FRMPD4: variants seen among roughly 807,000 people sequenced by gnomAD.
FRMPD4 encodes the protein FERM and PDZ domain-containing protein 4.
In FRMPD4, 22 loss-of-function variants were observed where a neutral mutation model predicts 94.1. The observed-to-expected ratio is 0.23, with a 90% CI of 0.17 to 0.33. FRMPD4 has a LOEUF of 0.33. FRMPD4 is among the 10% of genes least tolerant of loss of function. FRMPD4 has a pLI of 1.00. For missense variants in FRMPD4, 1,111 were observed against 1,339.9 expected, an observed-to-expected ratio of 0.83 and a Z score of 2.67; for synonymous variants, 631 against 548.6, an observed-to-expected ratio of 1.15 and a Z score of -2.10.
chrX:12,298,924 A>G (rs759217382), intron 1 of FRMPD4, among the ~76,000 whole-genome samples: 5 of 112,016 alleles, frequency 4.5e-5, no homozygotes, highest in African/African-American at 1.3e-4. Flanking sequence ...CTGAAAATCT[A>G]TCCATAGAGC....
chrX:12,551,849 A>G (rs994271453), intron 2 of FRMPD4, among the ~76,000 whole-genome samples: 1 of 111,564 alleles, frequency 9.0e-6, no homozygotes, highest in African/African-American at 3.3e-5. Flanking sequence ...GTGCTTAAAC[A>G]TTAAGTTACC....
intron 1 of FRMPD4, among the ~76,000 whole-genome samples, chrX:12,332,333 G>A (rs1293308485): frequency 1.9e-5 from 2 of 104,277 alleles, no homozygotes; most frequent in Non-Finnish European, 1.9e-5. Flanking sequence ...AAAAAACCTG[G>A]AATAGTTGAC....
At chrX:12,527,662 G>A (rs780010063) in intron 2 of FRMPD4, among the ~76,000 whole-genome samples, 1 of 110,515 alleles carries the variant, frequency 9.0e-6, no homozygotes, top group Admixed American at 9.6e-5. Flanking sequence ...GCAACCAGAT[G>A]TAGACAAAAG....
intron 3 of FRMPD4, among the ~76,000 whole-genome samples, chrX:12,042,967 T>C (rs1386212985): frequency 8.9e-6 from 1 of 112,106 alleles, no homozygotes; most frequent in Admixed American, 9.4e-5. Flanking sequence ...ACCCTTACAA[T>C]TACCATTCTC....
intron 4 of FRMPD4, among the ~76,000 whole-genome samples, chrX:12,670,892 G>GA (rs1242559359): frequency 9.0e-6 from 1 of 110,523 alleles, no homozygotes; most frequent in African/African-American, 3.3e-5. Context: ...AGATTTACAA[G>GA]AAAAAAACAA....
At chrX:12,477,264 G>A (rs1326317028) in intron 1 of FRMPD4, among the ~76,000 whole-genome samples, 1 of 110,815 alleles carries the variant, frequency 9.0e-6, no homozygotes, top group East Asian at 2.8e-4. Context: ...ATGAGAACAC[G>A]TGGACACAGG....
At chrX:12,202,608 A>G (rs770565878) in intron 1 of FRMPD4, among the ~76,000 whole-genome samples, 42 of 112,341 alleles carry the variant, frequency 3.7e-4, no homozygotes, top group Admixed American at 3.4e-3. Flanking sequence ...TTTGATGCCT[A>G]TACTAAATTA....
intron 1 of FRMPD4, among the ~76,000 whole-genome samples, chrX:12,233,956 C>T (rs2057041741): frequency 9.5e-6 from 1 of 105,723 alleles, no homozygotes; most frequent in African/African-American, 3.4e-5. Context: ...CCTTCTGCGT[C>T]ATCTGCCAGA....
intron 1 of FRMPD4, among the ~76,000 whole-genome samples, chrX:12,257,088 G>A (rs1037074733): frequency 5.4e-5 from 6 of 112,054 alleles, no homozygotes; most frequent in Non-Finnish European, 1.1e-4. Context: ...ACACTTCAGA[G>A]TTAATGTTTC....
intron 3 of FRMPD4, among the ~76,000 whole-genome samples, chrX:12,115,780 A>C (rs1349734343): frequency 9.3e-6 from 1 of 107,126 alleles, no homozygotes; most frequent in Non-Finnish European, 1.9e-5. Flanking sequence ...GGTTACTCTC[A>C]CTCCCTTTTT....
chrX:12,401,422 G>A (rs1330596696), intron 1 of FRMPD4, among the ~76,000 whole-genome samples: 2 of 110,570 alleles, frequency 1.8e-5, no homozygotes, highest in Non-Finnish European at 3.8e-5. Context: ...GGCAGCTCTT[G>A]GAAGGTTGAG....
chrX:12,238,374 C>T (rs2057094468), intron 1 of FRMPD4, among the ~76,000 whole-genome samples: 1 of 111,188 alleles, frequency 9.0e-6, no homozygotes, highest in Admixed American at 9.6e-5. Flanking sequence ...TCCACACCAC[C>T]CCTCTCCGCC....
chrX:12,603,066 T>C (rs1321055395), intron 2 of FRMPD4, among the ~76,000 whole-genome samples: 3 of 112,056 alleles, frequency 2.7e-5, no homozygotes, highest in Non-Finnish European at 5.6e-5. Flanking sequence ...AGAGCATATA[T>C]TGATGCTTGG....
chrX:12,102,796 A>T (rs1340654850), intron 3 of FRMPD4, among the ~76,000 whole-genome samples: 3 of 110,153 alleles, frequency 2.7e-5, no homozygotes, highest in Non-Finnish European at 5.7e-5. Flanking sequence ...TTTCCTGGCG[A>T]TACTAGATTT....
intron 4 of FRMPD4, among the ~76,000 whole-genome samples, chrX:12,666,551 G>A: frequency 8.9e-6 from 1 of 111,791 alleles, no homozygotes; most frequent in Non-Finnish European, 1.9e-5. Flanking sequence ...CTAAGCAAAT[G>A]AAAAGAACAG....
rs185769545 is a variant in FRMPD4 at position 12,575,283 on chromosome X, A to T, written c.159-34438A>T. ...CTGTTAAGTAGATCATAAAAAAAAT[A>T]AGTAGTAAATTCACATTTATAAGTA... On this transcript the variant is annotated intron_variant, in intron 2 of 16. Transcript: ENST00000675598. 4.0e-3 allele frequency among the ~76,000 whole-genome samples: 444 copies of T among 109,954 alleles called. 2 individuals are homozygous for T. Among genetic ancestry groups the T allele is most frequent in the African/African-American group, 0.014 (431 of 30,225 alleles).
chrX:12,473,778 A>C (rs1176978354), intron 1 of FRMPD4, among the ~76,000 whole-genome samples: 12 of 110,518 alleles, frequency 1.1e-4, no homozygotes, highest in Non-Finnish European at 1.7e-4. Flanking sequence ...TCCTAAATAT[A>C]TATGCACCCA....
chrX:12,641,145 T>C (rs2059496178), intron 4 of FRMPD4, among the ~76,000 whole-genome samples: 1 of 111,547 alleles, frequency 9.0e-6, no homozygotes, highest in Non-Finnish European at 1.9e-5. Context: ...AAGATCCATA[T>C]GTAAGTGACT....
intron 1 of FRMPD4, among the ~76,000 whole-genome samples, chrX:12,199,237 ATG>A (rs5901464): frequency 0.15 from 13,797 of 91,051 alleles, 887 homozygotes; most frequent in South Asian, 0.36. Flanking sequence ...AGAAAGGAAA[ATG>A]TGTGTGTGTG....
Sources: gnomAD v4.1 joint callset for allele counts (sites outside exome capture counted in the v4.1 genomes callset) on GRCh38, gnomAD v4.1.1 for gene constraint, MANE v1.5 for transcripts, NCBI Gene and HGNC (gene_info 2026-07-23, HGNC 2026-07-21) for gene names.